Variants in SORCS1 observed in about 807,000 individuals in gnomAD.
The protein encoded by SORCS1 is sortilin related VPS10 domain containing receptor 1.
Under a neutral mutation model 146.1 loss-of-function variants are expected in SORCS1, and 60 were observed. The ratio of observed to expected loss-of-function variants is 0.41; its 90% CI spans 0.33 to 0.51. SORCS1 has a LOEUF of 0.51. SORCS1 is among the 20% of genes least tolerant of loss of function. The pLI is 0.21. For missense variants in SORCS1, 1,352 were observed against 1,487.6 expected, an observed-to-expected ratio of 0.91 and a Z score of 1.50; for synonymous variants, 637 against 584.0, an observed-to-expected ratio of 1.09 and a Z score of -1.31.
chr10:106,813,128 C>CTTTTTTTTTTTTTTTT (rs71025557), intron 3 of SORCS1, among the ~76,000 whole-genome samples: 8 of 98,744 alleles, frequency 8.1e-5, no homozygotes, highest in East Asian at 2.6e-4. Context: ...CTTCTCTTTT[C>CTTTTTTTTTTTTTTTT]TTTTTTTTTT....
At chr10:107,130,520 GA>G (rs1250025706) in intron 1 of SORCS1, among the ~76,000 whole-genome samples, 1 of 152,208 alleles carries the variant, frequency 6.6e-6, no homozygotes, top group Non-Finnish European at 1.5e-5. Context: ...AACTTATTTA[GA>G]GTTGTAAAAG....
In SORCS1 at chr10:106,726,359, CAAAAAAAAAAA is replaced by C. The variant is rs60801871; in HGVS notation, c.1024+3680_1024+3690del. On this transcript the variant is annotated intron_variant, in intron 6 of 25. Transcript: ENST00000263054. The stretch of plus-strand genomic sequence containing the variant: ...ATAGTTTCTGAAGATGCTGCCTTCG[CAAAAAAAAAAA>C]AAAAAAAAAAAAAAAAAAGTAAAAT... Among the ~76,000 whole-genome samples, 152 of 43,606 alleles carry C rather than the reference CAAAAAAAAAAA, an allele frequency of 3.5e-3. 2 individuals are homozygous for C. Among genetic ancestry groups the C allele is most frequent in the African/African-American group, 0.013 (138 of 10,474 alleles). The allele number at this position is 43,606 out of a possible 152,430, so 28.6% of individuals were successfully genotyped here. A position where few individuals can be genotyped will look rare whatever the true frequency, so the allele number is the denominator to read the frequency against.
intron 10 of SORCS1, among the ~76,000 whole-genome samples, chr10:106,681,425 T>C (rs1852426436): frequency 6.6e-6 from 1 of 152,242 alleles, no homozygotes; most frequent in Non-Finnish European, 1.5e-5. Flanking sequence ...ACTGATTAAG[T>C]ACTGTTTCGC....
At chr10:107,062,695 T>C (rs1420503463) in intron 1 of SORCS1, among the ~76,000 whole-genome samples, 1 of 152,128 alleles carries the variant, frequency 6.6e-6, no homozygotes, top group African/African-American at 2.4e-5. Flanking sequence ...GTGATCCGAT[T>C]TGCAAAGCAC....
At chr10:106,914,298 C>T (rs1179098453) in intron 2 of SORCS1, among the ~76,000 whole-genome samples, 1 of 152,100 alleles carries the variant, frequency 6.6e-6, no homozygotes, top group Non-Finnish European at 1.5e-5. Context: ...CTGCTAGATG[C>T]TGTTACAGAC....
chr10:106,871,967 A>T (rs1345025087), intron 2 of SORCS1, among the ~76,000 whole-genome samples: 2 of 152,240 alleles, frequency 1.3e-5, no homozygotes, highest in Non-Finnish European at 2.9e-5. Context: ...TTATTTATGG[A>T]GAGTCTACCA....
chr10:107,116,848 A>G (rs1350174717), intron 1 of SORCS1, among the ~76,000 whole-genome samples: 5 of 152,210 alleles, frequency 3.3e-5, no homozygotes, highest in Non-Finnish European at 7.3e-5. Flanking sequence ...CCAATTAACT[A>G]TTTAAAATAT....
At chr10:106,765,251 A>T (rs1401352087) in intron 4 of SORCS1, among the ~76,000 whole-genome samples, 4 of 152,118 alleles carry the variant, frequency 2.6e-5, no homozygotes, top group Non-Finnish European at 5.9e-5. Context: ...GCACAAACCC[A>T]ACACTCACCT....
At chr10:106,818,316 T>C (rs1033222578) in intron 3 of SORCS1, among the ~76,000 whole-genome samples, 1 of 151,938 alleles carries the variant, frequency 6.6e-6, no homozygotes, top group South Asian at 2.1e-4. Flanking sequence ...TTATTGCACC[T>C]GAAAATAAAT....
At chr10:106,717,965 T>C (rs79443889) in intron 6 of SORCS1, among the ~76,000 whole-genome samples, 1,530 of 152,348 alleles carry the variant, frequency 0.01, 8 homozygotes, top group Middle Eastern at 0.017. Flanking sequence ...TATTCTTTCA[T>C]GGCCTATTTA....
intron 1 of SORCS1, among the ~76,000 whole-genome samples, chr10:107,045,740 T>C (rs2134016200): frequency 6.6e-6 from 1 of 152,134 alleles, no homozygotes; most frequent in African/African-American, 2.4e-5. Flanking sequence ...TATATATTTA[T>C]GTGTGTGTAT....
chr10:107,140,208 T>C (rs1967695493), intron 1 of SORCS1, among the ~76,000 whole-genome samples: 1 of 152,256 alleles, frequency 6.6e-6, no homozygotes, highest in Admixed American at 6.5e-5. Context: ...ATCTCAAGTT[T>C]CAGCCACCAA....
At chr10:107,152,031 T>G (rs890898950) in intron 1 of SORCS1, among the ~76,000 whole-genome samples, 1 of 152,188 alleles carries the variant, frequency 6.6e-6, no homozygotes, top group Admixed American at 6.5e-5. Flanking sequence ...CAGAACCCAC[T>G]GCTCTGTGCA....
intron 8 of SORCS1, among the ~76,000 whole-genome samples, chr10:106,699,824 C>T (rs1042679678): frequency 2.0e-5 from 3 of 152,160 alleles, no homozygotes; most frequent in Non-Finnish European, 4.4e-5. Flanking sequence ...CAGCATGGCT[C>T]ATGGACCAGC....
intron 23 of SORCS1, among the ~76,000 whole-genome samples, chr10:106,603,741 T>G (rs1440258801): frequency 6.6e-6 from 1 of 152,204 alleles, no homozygotes; most frequent in African/African-American, 2.4e-5. Flanking sequence ...ATTTCTGTTC[T>G]TTGGGTTTGC....
intron 19 of SORCS1, among the ~76,000 whole-genome samples, chr10:106,621,034 T>C (rs757094241): frequency 6.6e-6 from 1 of 152,168 alleles, no homozygotes; most frequent in Non-Finnish European, 1.5e-5. Context: ...TCTGTGTATG[T>C]GTGAATGTGT....
intron 1 of SORCS1, among the ~76,000 whole-genome samples, chr10:107,146,599 T>C (rs549924227): frequency 1.1e-4 from 16 of 152,174 alleles, no homozygotes; most frequent in African/African-American, 3.9e-4. Context: ...CAATTAACAA[T>C]CACTAAATAC....
intron 1 of SORCS1, among the ~76,000 whole-genome samples, chr10:107,001,318 G>A (rs1006822708): frequency 1.3e-5 from 2 of 152,166 alleles, no homozygotes; most frequent in African/African-American, 4.8e-5. Context: ...GGAGTGCAAT[G>A]GGAGGACTCT....
At chr10:106,791,553 G>A (rs532597473) in intron 3 of SORCS1, among the ~76,000 whole-genome samples, 2 of 152,200 alleles carry the variant, frequency 1.3e-5, no homozygotes, top group Admixed American at 6.5e-5. Context: ...TACAAAATTA[G>A]TTGGGCGTGG....
Sources: allele counts gnomAD v4.1 joint callset (sites outside exome capture counted in the v4.1 genomes callset), GRCh38; gene constraint gnomAD v4.1.1; transcripts MANE v1.5; gene names NCBI Gene and HGNC (gene_info 2026-07-23, HGNC 2026-07-21).